The following ANKRD44 variants were observed in gnomAD, a reference collection of about 807,000 sequenced individuals.
ANKRD44 encodes ankyrin repeat domain 44, also known as serine/threonine-protein phosphatase 6 regulatory ankyrin repeat subunit B.
A neutral mutation model predicts 116.0 loss-of-function variants in ANKRD44; 35 were observed. The ratio of observed to expected loss-of-function variants is 0.30; its 90% confidence interval spans 0.23 to 0.40. The LOEUF is 0.40. Ranked by LOEUF, ANKRD44 falls within the 10% of genes least tolerant of loss-of-function variation. The pLI, the probability that ANKRD44 is intolerant of heterozygous loss-of-function variation, is 1.00. For synonymous variants in ANKRD44, 435 were observed against 461.8 expected (o/e 0.94, Z 0.74); for missense variants, 1,014 against 1,242.6 (o/e 0.82, Z 2.77).
chr2:197,304,019 T>C (rs2083991630), intron 1 of ANKRD44, among the ~76,000 whole-genome samples: 1 of 152,112 alleles, frequency 6.6e-6, no homozygotes, highest in African/African-American at 2.4e-5. Flanking sequence ...AAGAGGGCAA[T>C]CTTAGGCCAG....
At chr2:197,310,451 C>T in intron 1 of ANKRD44, 127 bp downstream of exon 1, 3 of 615,538 alleles carry the variant, frequency 4.9e-6, no homozygotes, top group Non-Finnish European at 6.1e-6. Context: ...GGCGGCCGCA[C>T]ACAGTCCTCC....
At chr2:197,298,716 G>C (rs752918758) in intron 1 of ANKRD44, among the ~76,000 whole-genome samples, 1 of 152,066 alleles carries the variant, frequency 6.6e-6, no homozygotes, top group African/African-American at 2.4e-5. Flanking sequence ...CCAGGAGTTC[G>C]AGACCAGCCT....
At chr2:197,220,398 G>A (rs568109491) in intron 1 of ANKRD44, among the ~76,000 whole-genome samples, 2 of 152,224 alleles carry the variant, frequency 1.3e-5, no homozygotes, top group South Asian at 2.1e-4. Flanking sequence ...TCCATATAAC[G>A]GAAAGGTTTT....
chr2:196,994,807 G>A (rs1198401028), intron 26 of ANKRD44: 1 of 152,588 alleles, frequency 6.6e-6, no homozygotes, highest in Non-Finnish European at 1.5e-5. Flanking sequence ...AAAGGCATGA[G>A]CCACCACGCC....
At chr2:197,306,702 A>G (rs2084084165) in intron 1 of ANKRD44, among the ~76,000 whole-genome samples, 1 of 152,222 alleles carries the variant, frequency 6.6e-6, no homozygotes, top group Non-Finnish European at 1.5e-5. Context: ...AAGGCCCCAC[A>G]CTATGGGCTA....
Position 196,979,382 on chromosome 2 carries a change from C to CAA in ANKRD44, c.2369-11938_2369-11937dup, listed in dbSNP as rs778459937. The stretch of plus-strand genomic sequence containing the variant: ...TAGGCGACAGAGCGAGACTCCGTCT[C>CAA]AAAAAAAAAAAAAAAAAAAAAAAAG... On this transcript the variant is annotated intron_variant, in intron 21 of 21. Coordinates refer to the ANKRD44 transcript ENST00000424317. Among the ~76,000 whole-genome samples, 374 of 40,054 alleles carry CAA rather than the reference C, an allele frequency of 9.3e-3. 10 individuals carry two copies. The highest frequency in any genetic ancestry group is 0.017 in the Middle Eastern group (1 of 58). The allele number at this position is 40,054 out of a possible 152,430, so 26.3% of individuals were successfully genotyped here. A position where few individuals can be genotyped will look rare whatever the true frequency, so the allele number is the denominator to read the frequency against.
At chr2:197,035,004 G>A (rs1452214093) in intron 16 of ANKRD44, among the ~76,000 whole-genome samples, 2 of 152,142 alleles carry the variant, frequency 1.3e-5, no homozygotes, top group Non-Finnish European at 2.9e-5. Flanking sequence ...TCTCAATCTG[G>A]AGGCATTTCC....
chr2:197,267,619 C>G (rs1395618005), intron 1 of ANKRD44, among the ~76,000 whole-genome samples: 1 of 152,204 alleles, frequency 6.6e-6, no homozygotes, highest in Non-Finnish European at 1.5e-5. Context: ...TCAATTCATG[C>G]TGAAATGACA....
intron 21 of ANKRD44, among the ~76,000 whole-genome samples, chr2:196,980,535 A>T (rs1452630691): frequency 6.6e-6 from 1 of 152,244 alleles, no homozygotes; most frequent in Non-Finnish European, 1.5e-5. Context: ...CCTAAACAGC[A>T]ATATAGAATT....
intron 2 of ANKRD44, among the ~76,000 whole-genome samples, chr2:197,160,586 G>A (rs994747480): frequency 2.0e-5 from 3 of 151,954 alleles, no homozygotes; most frequent in South Asian, 2.1e-4. Context: ...CTCTAGAGTC[G>A]GGCCTTCCAT....
chr2:197,147,882 A>G (rs373443492), intron 2 of ANKRD44: 1 of 456,136 alleles, frequency 2.2e-6, no homozygotes, highest in African/African-American at 2.0e-5. Context: ...GGTTGATATT[A>G]TCTCTGTTTT....
chr2:197,096,590 A>T (rs2078165612), intron 10 of ANKRD44, among the ~76,000 whole-genome samples: 1 of 152,342 alleles, frequency 6.6e-6, no homozygotes, highest in Middle Eastern at 3.4e-3. Context: ...TTCAGATTCA[A>T]ATAAATTCGT....
intron 1 of ANKRD44, among the ~76,000 whole-genome samples, chr2:197,289,246 G>A (rs1402688403): frequency 6.6e-6 from 1 of 152,138 alleles, no homozygotes; most frequent in Non-Finnish European, 1.5e-5. Flanking sequence ...TATTAGTATA[G>A]CTAAAATTTA....
intron 16 of ANKRD44, among the ~76,000 whole-genome samples, chr2:197,052,634 GTA>G (rs1334964202): frequency 1.3e-5 from 2 of 152,084 alleles, no homozygotes; most frequent in Non-Finnish European, 2.9e-5. Context: ...ATGCCAGGGT[GTA>G]TATAGCTCTG....
At chr2:197,176,684 C>T (rs1188396787) in intron 2 of ANKRD44, among the ~76,000 whole-genome samples, 1 of 152,150 alleles carries the variant, frequency 6.6e-6, no homozygotes, top group Non-Finnish European at 1.5e-5. Context: ...TAGGAAAAGA[C>T]AGCCTGTGTT....
At chr2:197,004,849 T>C (rs1408071667) in intron 21 of ANKRD44, among the ~76,000 whole-genome samples, 3 of 152,152 alleles carry the variant, frequency 2.0e-5, no homozygotes, top group Non-Finnish European at 4.4e-5. Flanking sequence ...GAAATCTGAA[T>C]GTCAATCCAC....
intron 2 of ANKRD44, among the ~76,000 whole-genome samples, chr2:197,157,983 G>A (rs141930044): frequency 6.6e-6 from 1 of 152,132 alleles, no homozygotes; most frequent in Non-Finnish European, 1.5e-5. Context: ...CCAACTATTT[G>A]TAAGGCCCTG....
intron 1 of ANKRD44, among the ~76,000 whole-genome samples, chr2:197,221,834 G>A (rs1278347173): frequency 1.3e-5 from 2 of 152,188 alleles, no homozygotes; most frequent in Non-Finnish European, 2.9e-5. Flanking sequence ...GGACTAGAAA[G>A]CACAAAAAGT....
intron 3 of ANKRD44, among the ~76,000 whole-genome samples, chr2:197,137,107 T>TG (rs2079237744): frequency 6.6e-6 from 1 of 152,180 alleles, no homozygotes; most frequent in Non-Finnish European, 1.5e-5. Flanking sequence ...CCGCCTTCCA[T>TG]GACACCCTCG....
Sources: allele counts gnomAD v4.1 joint callset (sites outside exome capture counted in the v4.1 genomes callset), GRCh38; gene constraint gnomAD v4.1.1; transcripts MANE v1.5; gene names NCBI Gene and HGNC (gene_info 2026-07-23, HGNC 2026-07-21).